Variants in PAX5 observed in about 807,000 individuals in gnomAD.
PAX5 encodes the protein paired box protein Pax-5.
PAX5 carries 9 observed loss-of-function variants against 43.7 expected under a neutral mutation model. That is an observed-to-expected ratio of 0.21 (90% CI 0.12 to 0.36). PAX5 has a LOEUF of 0.36. Ranked by LOEUF, PAX5 falls within the 10% of genes least tolerant of loss-of-function variation. PAX5 has a pLI of 1.00. For missense variants in PAX5, 383 were observed against 532.7 expected, an observed-to-expected ratio of 0.72 and a Z score of 2.77; for synonymous variants, 228 against 214.3, an observed-to-expected ratio of 1.06 and a Z score of -0.56.
intron 5 of PAX5, among the ~76,000 whole-genome samples, chr9:36,986,271 G>A (rs995525216): frequency 1.3e-5 from 2 of 149,428 alleles, no homozygotes; most frequent in African/African-American, 4.9e-5. Flanking sequence ...GCCGCGGGCC[G>A]CGCGGCAATC....
intron 5 of PAX5, among the ~76,000 whole-genome samples, chr9:36,995,758 A>G (rs1177198971): frequency 6.6e-6 from 1 of 151,978 alleles, no homozygotes; most frequent in African/African-American, 2.4e-5. Context: ...AGGCCCTTCC[A>G]GCTCCCATGG....
At chr9:36,961,075 C>A (rs1376504177) in intron 6 of PAX5, among the ~76,000 whole-genome samples, 1 of 152,210 alleles carries the variant, frequency 6.6e-6, no homozygotes, top group Non-Finnish European at 1.5e-5. Context: ...AAAACCACAT[C>A]CTCTTTCTCC....
At position 36,966,735 on chromosome 9, in the gene PAX5, C is replaced by T. The variant is rs760144740; in HGVS notation, c.605-11G>A. 17 of 1,612,384 alleles carry T rather than the reference C, an allele frequency of 1.1e-5. No individual in the cohort carries two copies. The highest frequency in any genetic ancestry group is 1.6e-4 in the Middle Eastern group (1 of 6,072). On this transcript the variant is annotated splice_polypyrimidine_tract_variant and intron_variant, in intron 5 of 9. Coordinates refer to ENST00000358127, the MANE Select transcript of PAX5 (RefSeq NM_016734.3). Reference sequence around the variant, plus strand: ...GAGACTCCTGAATACCTTTGATGAGCAGGAGAGAGGAAGGGTGAGTGGAGG... The same window carrying T: ...GAGACTCCTGAATACCTTTGATGAGTAGGAGAGAGGAAGGGTGAGTGGAGG...
At chr9:36,980,323 G>A (rs1469257836) in intron 5 of PAX5, among the ~76,000 whole-genome samples, 2 of 152,308 alleles carry the variant, frequency 1.3e-5, no homozygotes, top group East Asian at 1.9e-4. Context: ...ACACACTAAT[G>A]GACTTCCCTC....
chr9:36,847,510 C>T (rs1000452571), intron 8 of PAX5, among the ~76,000 whole-genome samples: 2 of 152,204 alleles, frequency 1.3e-5, no homozygotes, highest in African/African-American at 4.8e-5. Flanking sequence ...GACATAAACC[C>T]AGGCCCTCTG....
chr9:36,864,775 C>G (rs1824677559), intron 8 of PAX5, among the ~76,000 whole-genome samples: 1 of 152,236 alleles, frequency 6.6e-6, no homozygotes, highest in Non-Finnish European at 1.5e-5. Context: ...GCCAAGCTGT[C>G]AGTCTAGAGG....
intron 5 of PAX5, among the ~76,000 whole-genome samples, chr9:36,984,568 G>A (rs1396325813): frequency 1.3e-5 from 2 of 149,720 alleles, no homozygotes; most frequent in African/African-American, 4.9e-5. Flanking sequence ...AGCCTCCTGA[G>A]TAGCTGGGAT....
At chr9:36,866,682 G>T (rs573735061) in intron 8 of PAX5, among the ~76,000 whole-genome samples, 1 of 152,122 alleles carries the variant, frequency 6.6e-6, no homozygotes, top group Non-Finnish European at 1.5e-5. Context: ...AACTGAGGGG[G>T]GTGGGGACAA....
intron 6 of PAX5, 40 bp downstream of exon 6, chr9:36,966,509 G>C (rs745480607): frequency 2.5e-6 from 4 of 1,589,094 alleles, no homozygotes; most frequent in Non-Finnish European, 3.4e-6. Flanking sequence ...GGGCCGGTGT[G>C]GCGGTGGCAG....
chr9:36,871,069 G>A (rs969670368), intron 8 of PAX5, among the ~76,000 whole-genome samples: 1 of 152,206 alleles, frequency 6.6e-6, no homozygotes, highest in Non-Finnish European at 1.5e-5. Context: ...AAAACAGAGG[G>A]AATTGCCACC....
intron 7 of PAX5, among the ~76,000 whole-genome samples, chr9:36,917,762 T>A (rs1204273167): frequency 6.6e-6 from 1 of 152,234 alleles, no homozygotes; most frequent in African/African-American, 2.4e-5. Flanking sequence ...AAATGGAAGG[T>A]TTCTGGCAAC....
At chr9:37,021,572 G>T (rs1346571272) in intron 1 of PAX5, among the ~76,000 whole-genome samples, 1 of 152,086 alleles carries the variant, frequency 6.6e-6, no homozygotes, top group African/African-American at 2.4e-5. Context: ...GCTTTATTTT[G>T]GTCCAGGGAA....
At chr9:36,956,106 A>T (rs1005999393) in intron 6 of PAX5, among the ~76,000 whole-genome samples, 8 of 152,172 alleles carry the variant, frequency 5.3e-5, no homozygotes, top group African/African-American at 1.9e-4. Flanking sequence ...TTTGAGGGGA[A>T]ATATCTCTAC....
Position 36,923,769 on chromosome 9 carries a change from C to G in PAX5, c.781-285G>C, listed in dbSNP as rs10121984. Reference sequence around the variant, plus strand: ...CTCCCTCTGGCCTGCATGTTGCCCTCACCCAGCTCCAGTTGGCCAGAGACC... The same window carrying G: ...CTCCCTCTGGCCTGCATGTTGCCCTGACCCAGCTCCAGTTGGCCAGAGACC... On this transcript the variant is annotated intron_variant, in intron 6 of 9. Transcript: ENST00000358127. 0.029 allele frequency among the ~76,000 whole-genome samples: 4,457 copies of G among 152,312 alleles called. 207 individuals carry two copies. The highest frequency in any genetic ancestry group is 0.1 in the African/African-American group (4,260 of 41,542).
rs576653546 is a variant in PAX5 at position 37,034,098 on chromosome 9, C to CT, written c.-68dup. 0.056 allele frequency: 17,902 copies of CT among 317,742 alleles called. 1,662 individuals carry two copies. The highest frequency in any genetic ancestry group is 0.089 in the African/African-American group (2,068 of 23,234). 19.7% of individuals were successfully genotyped at this position (317,742 alleles called of 1,614,324 possible). A position where few individuals can be genotyped will look rare whatever the true frequency, so the allele number is the denominator to read the frequency against. On this transcript the variant is annotated 5_prime_UTR_variant, in exon 1 of 10. Transcript: ENST00000358127. Reference sequence around the variant, plus strand: ...TCCACTTTTTTGTGCCTTTTTTTTTCTTTTTTTTTTTTTTTTTTTTTTTTT... The same window carrying CT: ...TCCACTTTTTTGTGCCTTTTTTTTTCTTTTTTTTTTTTTTTTTTTTTTTTTT...
chr9:36,933,516 A>T (rs1831298341), intron 6 of PAX5, among the ~76,000 whole-genome samples: 2 of 152,164 alleles, frequency 1.3e-5, no homozygotes. Context: ...GAGCTCAGAG[A>T]GGGGAGCCCT....
chr9:36,856,145 C>G (rs1823645901), intron 8 of PAX5, among the ~76,000 whole-genome samples: 1 of 152,248 alleles, frequency 6.6e-6, no homozygotes, highest in Admixed American at 6.5e-5. Context: ...GGCTTGCCCA[C>G]AATACCAATG....
intron 3 of PAX5, among the ~76,000 whole-genome samples, chr9:37,012,528 T>C (rs955088253): frequency 3.3e-5 from 5 of 152,196 alleles, no homozygotes; most frequent in Non-Finnish European, 5.9e-5. Flanking sequence ...GCCATGGCCC[T>C]ACAGACAGCA....
intron 6 of PAX5, among the ~76,000 whole-genome samples, chr9:36,952,234 CTTTTTTTTTTTTTT>C (rs138009049): frequency 1.5e-5 from 1 of 66,626 alleles, no homozygotes; most frequent in African/African-American, 6.3e-5. Flanking sequence ...GACCATCTCC[CTTTTTTTTTTTTTT>C]TTTTTTTTTG....
Sources: gnomAD v4.1 joint callset for allele counts (sites outside exome capture counted in the v4.1 genomes callset) on GRCh38, gnomAD v4.1.1 for gene constraint, MANE v1.5 for transcripts, NCBI Gene and HGNC (gene_info 2026-07-23, HGNC 2026-07-21) for gene names.